PARG: variants seen among roughly 807,000 people sequenced by gnomAD.
The protein encoded by PARG is poly(ADP-ribose) glycohydrolase.
PARG carries 35 observed loss-of-function variants against 113.0 expected under a neutral mutation model. The ratio of observed to expected loss-of-function variants is 0.31; its 90% CI spans 0.24 to 0.41. The LOEUF (loss-of-function observed/expected upper bound fraction) is 0.41, where lower values mean the gene tolerates loss of function less well. Among genes scored for constraint, PARG ranks in the 10% least tolerant of loss-of-function variants. The pLI is 1.00. For missense variants in PARG, 797 were observed against 1,169.4 expected (o/e 0.68, Z 4.64); for synonymous variants, 330 against 409.9 (o/e 0.81, Z 2.36).
intron 7 of PARG, among the ~76,000 whole-genome samples, chr10:49,903,933 A>G (rs1848457327): frequency 6.6e-6 from 1 of 152,208 alleles, no homozygotes; most frequent in African/African-American, 2.4e-5. Context: ...TGTAAGCAGC[A>G]TGAAGGATGG....
intron 16 of PARG, among the ~76,000 whole-genome samples, chr10:49,824,588 T>C (rs535528843): frequency 1.3e-5 from 2 of 152,106 alleles, no homozygotes; most frequent in East Asian, 1.9e-4. Flanking sequence ...TTGCAACAAA[T>C]GGACCAAGCA....
chr10:49,831,226 T>TA (rs199765848), intron 16 of PARG, among the ~76,000 whole-genome samples: 8 of 148,440 alleles, frequency 5.4e-5, no homozygotes, highest in East Asian at 1.9e-4. Flanking sequence ...TTTTCTAGAT[T>TA]AAAAAAAAAT....
chr10:49,825,990 C>G (rs1332752989), intron 16 of PARG, among the ~76,000 whole-genome samples: 1 of 152,160 alleles, frequency 6.6e-6, no homozygotes, highest in African/African-American at 2.4e-5. Context: ...ATCAGTTGAG[C>G]ATCTCAAATC....
intron 7 of PARG, among the ~76,000 whole-genome samples, chr10:49,896,583 C>T (rs1354801835): frequency 3.3e-5 from 5 of 152,152 alleles, no homozygotes; most frequent in Non-Finnish European, 5.9e-5. Context: ...TCACTCCCGG[C>T]CTGCTAACAG....
At chr10:49,840,981 A>G (rs3793805) in intron 15 of PARG, among the ~76,000 whole-genome samples, 73,348 of 152,078 alleles carry the variant, frequency 0.48, 18,044 homozygotes, top group African/African-American at 0.58. Context: ...GCTGGGCACA[A>G]TGGCTCATGC....
chr10:49,920,361 C>T (rs1364318116), intron 6 of PARG, among the ~76,000 whole-genome samples: 7 of 149,344 alleles, frequency 4.7e-5, no homozygotes, highest in African/African-American at 7.4e-5. Context: ...AGATGAGGAT[C>T]GCTTGAGTCT....
At chr10:49,837,227 T>A (rs149958465) in intron 15 of PARG, among the ~76,000 whole-genome samples, 1 of 152,094 alleles carries the variant, frequency 6.6e-6, no homozygotes, top group Non-Finnish European at 1.5e-5. Context: ...CTTTGTAGGA[T>A]TGGCTTTTCA....
chr10:49,892,669 A>G (rs116236188), intron 7 of PARG, among the ~76,000 whole-genome samples: 687 of 152,268 alleles, frequency 4.5e-3, no homozygotes, highest in East Asian at 0.018. Flanking sequence ...AACATTTTAT[A>G]TTGGCTTTTG....
intron 8 of PARG, 130 bp from the exon 9 acceptor site, chr10:49,879,960 A>G: frequency 1.7e-6 from 1 of 587,368 alleles, no homozygotes; most frequent in East Asian, 2.9e-5. Context: ...TGAATCCTTA[A>G]ATCAGCAATA....
chr10:49,907,409 T>C (rs1468612739), intron 7 of PARG, among the ~76,000 whole-genome samples: 10 of 152,302 alleles, frequency 6.6e-5, no homozygotes, highest in African/African-American at 1.9e-4. Context: ...GCTTAGTCTT[T>C]GGTAAACCAC....
At position 49,818,342 on chromosome 10, in the gene PARG, G is replaced by A. The variant is rs1248405594; in HGVS notation, c.*998C>T. 6.6e-6 allele frequency: 1 copy of A among 152,478 alleles called. No homozygotes were observed. The highest frequency in any genetic ancestry group is 6.6e-5 in the Admixed American group (1 of 15,258). The allele number at this position is 152,478 out of a possible 1,614,324, so 9.4% of individuals were successfully genotyped here. On this transcript the variant is annotated 3_prime_UTR_variant, in exon 18 of 18. Coordinates refer to ENST00000616448, the MANE Select transcript of PARG (RefSeq NM_003631.5). ...GCTCACATATAGACACACTTAAAGA[G>A]CATACGTTTATATATACATATATAA...
rs372943609 is a variant in PARG, at chr10:49,832,246, G to A, written c.2647+557C>T. Among the ~76,000 whole-genome samples, 155 of 152,308 alleles carry A rather than the reference G, an allele frequency of 1.0e-3. 3 individuals carry two copies. The South Asian group carries it at 0.029, about 29-fold the overall frequency. On this transcript the variant is annotated intron_variant, in intron 16 of 17. Transcript: ENST00000616448. ...GATGCCTCCTATCTGTGCCATTCAT[G>A]CAGCTCTCCCAGGCTGTGCTCCCAC... is the stretch of plus-strand genomic sequence containing the variant.
chr10:49,897,454 G>C (rs1435563350), intron 7 of PARG, among the ~76,000 whole-genome samples: 15 of 152,082 alleles, frequency 9.9e-5, no homozygotes, highest in Non-Finnish European at 2.1e-4. Flanking sequence ...GTACATACTT[G>C]TATTAGAACA....
chr10:49,941,945 G>A lies in PARG; in HGVS notation c.-220C>T, dbSNP rs1409977263. On this transcript the variant is annotated 5_prime_UTR_variant, in exon 1 of 18. Transcript: ENST00000616448. ...CCACTGGCACCCCACCTGCCTCAAT[G>A]CGCCGCTTTGATTCGGGATTCGTTC... is the stretch of plus-strand genomic sequence containing the variant. The A allele has an allele frequency of 4.2e-6, 4 of 958,140 alleles. No individual in the cohort carries two copies. Among genetic ancestry groups the A allele is most frequent in the Non-Finnish European group, 6.5e-6 (4 of 613,594 alleles). The allele number at this position is 958,140 out of a possible 1,614,324, so 59.4% of individuals were successfully genotyped here.
At chr10:49,895,206 T>C (rs1347478149) in intron 7 of PARG, among the ~76,000 whole-genome samples, 1 of 152,194 alleles carries the variant, frequency 6.6e-6, no homozygotes, top group South Asian at 2.1e-4. Context: ...TCACCACACA[T>C]ACTGTCTTGT....
At chr10:49,927,067 G>C (rs1433710677) in intron 4 of PARG, among the ~76,000 whole-genome samples, 1 of 152,030 alleles carries the variant, frequency 6.6e-6, no homozygotes, top group African/African-American at 2.4e-5. Flanking sequence ...CCAGCACTTT[G>C]GGAGGTTGAG....
chr10:49,899,497 A>T (rs1442748607), intron 7 of PARG, among the ~76,000 whole-genome samples: 1 of 152,232 alleles, frequency 6.6e-6, no homozygotes, highest in South Asian at 2.1e-4. Flanking sequence ...TCTCATGTGT[A>T]TCGCCCATGA....
At chr10:49,922,920 C>G (rs1554849734) in intron 4 of PARG, among the ~76,000 whole-genome samples, 1 of 152,182 alleles carries the variant, frequency 6.6e-6, no homozygotes, top group East Asian at 1.9e-4. Flanking sequence ...CTAAGTGTTT[C>G]CTATCCTTCT....
intron 4 of PARG, among the ~76,000 whole-genome samples, chr10:49,927,575 G>A (rs137916705): frequency 0.018 from 2,755 of 152,030 alleles, 78 homozygotes; most frequent in African/African-American, 0.061. Flanking sequence ...CAGCCTAAAA[G>A]GAAAATAAGA....
Sources: allele counts gnomAD v4.1 joint callset (sites outside exome capture counted in the v4.1 genomes callset), GRCh38; gene constraint gnomAD v4.1.1; transcripts MANE v1.5; gene names NCBI Gene and HGNC (gene_info 2026-07-23, HGNC 2026-07-21).